The following SPAST variants were observed in gnomAD, a reference collection of about 807,000 sequenced individuals.
SPAST encodes spastic paraplegia 4 (autosomal dominant; spastin).
SPAST carries 30 observed loss-of-function variants against 76.6 expected under a neutral mutation model. That is an observed-to-expected ratio of 0.39 (90% CI 0.29 to 0.53). SPAST has a LOEUF of 0.53. SPAST is among the 20% of genes least tolerant of loss of function. The pLI, the probability that SPAST is intolerant of heterozygous loss-of-function variation, is 0.68. For synonymous variants in SPAST, 305 were observed against 281.0 expected (o/e 1.09, Z -0.86); for missense variants, 717 against 770.5 (o/e 0.93, Z 0.82).
intron 4 of SPAST, among the ~76,000 whole-genome samples, chr2:32,105,964 G>C (rs750415553): frequency 2.0e-5 from 3 of 152,202 alleles, no homozygotes; most frequent in Non-Finnish European, 4.4e-5. Flanking sequence ...TCCATGCTGG[G>C]AGAACTACTA....
At chr2:32,099,859 TA>T (rs1678054101) in intron 4 of SPAST, among the ~76,000 whole-genome samples, 1 of 152,178 alleles carries the variant, frequency 6.6e-6, no homozygotes, top group Non-Finnish European at 1.5e-5. Context: ...ATTAACTTTT[TA>T]AAAATAATAT....
chr2:32,142,308 TAA>T (rs1573165710), intron 13 of SPAST, among the ~76,000 whole-genome samples: 1 of 152,238 alleles, frequency 6.6e-6, no homozygotes, highest in South Asian at 2.1e-4. Flanking sequence ...CTTCATATAT[TAA>T]GTTTTATGAA....
chr2:32,138,465 G>A (rs2148755484), intron 12 of SPAST, among the ~76,000 whole-genome samples: 1 of 151,942 alleles, frequency 6.6e-6, no homozygotes, highest in African/African-American at 2.4e-5. Context: ...CATGTTTGTT[G>A]TCCCCTCGTA....
chr2:32,075,988 C>T (rs1185818395), intron 1 of SPAST, among the ~76,000 whole-genome samples: 2 of 143,422 alleles, frequency 1.4e-5, no homozygotes, highest in African/African-American at 5.3e-5. Flanking sequence ...GCAACCTCTG[C>T]CTCCCAGGTT....
At chr2:32,079,641 C>T (rs1050440736) in intron 1 of SPAST, among the ~76,000 whole-genome samples, 1 of 145,140 alleles carries the variant, frequency 6.9e-6, no homozygotes, top group East Asian at 2.3e-4. Flanking sequence ...TCACTGCAGC[C>T]TCCTCTTCCT....
At chr2:32,148,580 C>T (rs939217459) in intron 16 of SPAST, among the ~76,000 whole-genome samples, 47 of 151,606 alleles carry the variant, frequency 3.1e-4, no homozygotes, top group Admixed American at 2.9e-3. Flanking sequence ...GAGGCCGAGG[C>T]GGGCGGATCA....
chr2:32,088,533 A>G (rs921775563), intron 2 of SPAST, among the ~76,000 whole-genome samples: 1 of 152,190 alleles, frequency 6.6e-6, no homozygotes, highest in South Asian at 2.1e-4. Flanking sequence ...AATTGCAGCT[A>G]CTTGGGAGGC....
chr2:32,092,733 C>T lies in SPAST; in HGVS notation c.586+3128C>T, dbSNP rs116496272. Among the ~76,000 whole-genome samples, 1,008 of 152,194 alleles carry T rather than the reference C, an allele frequency of 6.6e-3. 15 individuals are homozygous for T. The highest frequency in any genetic ancestry group is 0.023 in the African/African-American group (965 of 41,528). On this transcript the variant is annotated intron_variant, in intron 3 of 16. Transcript: ENST00000315285. ...GATGGGAAAGGTGACATCGGCTGGG[C>T]GCGGTGGCTCACACCTATAATCCCA... is the stretch of plus-strand genomic sequence containing the variant.
intron 1 of SPAST, among the ~76,000 whole-genome samples, chr2:32,081,148 G>A (rs997340873): frequency 6.6e-6 from 1 of 151,384 alleles, no homozygotes; most frequent in African/African-American, 2.4e-5. Flanking sequence ...TAGTAGAGAT[G>A]GGGTTTCACC....
intron 13 of SPAST, among the ~76,000 whole-genome samples, chr2:32,142,671 C>T (rs1679757514): frequency 6.6e-6 from 1 of 152,096 alleles, no homozygotes; most frequent in Admixed American, 6.6e-5. Flanking sequence ...GCTGGGATTA[C>T]AGGCATGAGT....
intron 4 of SPAST, among the ~76,000 whole-genome samples, chr2:32,106,170 C>T (rs921894354): frequency 6.6e-6 from 1 of 152,202 alleles, no homozygotes; most frequent in Non-Finnish European, 1.5e-5. Context: ...GCAGATGCCC[C>T]CGCCTCCAGC....
At position 32,157,414 on chromosome 2, in the gene SPAST, T is replaced by C. The variant is rs1680288458; in HGVS notation, c.*2918T>C. The C allele has an allele frequency of 6.6e-6, 1 of 152,638 alleles. No individual in the cohort carries two copies. The highest frequency in any genetic ancestry group is 1.5e-5 in the Non-Finnish European group (1 of 68,026). The allele number at this position is 152,638 out of a possible 1,614,324, so 9.5% of individuals were successfully genotyped here. ...AATTACATATACAGCCGTCTTTGTTTATAGTGTAGAATTCTTTATATTTTG... is the reference window on the plus strand; with the variant it reads ...AATTACATATACAGCCGTCTTTGTTCATAGTGTAGAATTCTTTATATTTTG... On this transcript the variant is annotated 3_prime_UTR_variant, in exon 17 of 17. Transcript: ENST00000315285.
chr2:32,150,292 A>G (rs1297080034), intron 16 of SPAST, among the ~76,000 whole-genome samples: 9 of 123,870 alleles, frequency 7.3e-5, no homozygotes, highest in African/African-American at 2.8e-4. Flanking sequence ...GAGTTTCACC[A>G]TGTTGGCCAG....
intron 4 of SPAST, among the ~76,000 whole-genome samples, chr2:32,108,841 C>G (rs1049954018): frequency 3.5e-5 from 5 of 143,470 alleles, no homozygotes; most frequent in Non-Finnish European, 7.5e-5. Flanking sequence ...TCTGGGCTCA[C>G]TGCAACCTCT....
intron 1 of SPAST, among the ~76,000 whole-genome samples, chr2:32,083,764 A>ATTTTTT (rs1677352200): frequency 8.9e-5 from 4 of 45,192 alleles, no homozygotes; most frequent in Middle Eastern, 0.011. Context: ...ATATATATAT[A>ATTTTTT]TATATATATA....
rs141901048 is a variant in SPAST at position 32,094,268 on chromosome 2, G to A, written c.587-4528G>A. Among the ~76,000 whole-genome samples the A allele has an allele frequency of 8.8e-3, 1,342 of 152,182 alleles. 23 individuals carry two copies. Among genetic ancestry groups the A allele is most frequent in the South Asian group, 0.049 (238 of 4,816 alleles). On this transcript the variant is annotated intron_variant, in intron 3 of 16. Coordinates refer to ENST00000315285, the MANE Select transcript of SPAST (RefSeq NM_014946.4). The stretch of plus-strand genomic sequence containing the variant: ...GAGTCTTGCCTTATCACCCAGGCCA[G>A]AGTGCAATGGCGTGATCTCGGCTCA...
At chr2:32,098,424 T>C (rs1366622023) in intron 3 of SPAST, among the ~76,000 whole-genome samples, 1 of 152,178 alleles carries the variant, frequency 6.6e-6, no homozygotes, top group African/African-American at 2.4e-5. Context: ...ATGGTGCCAC[T>C]GTACTTCAGC....
chr2:32,086,838 T>A (rs1452538536), intron 1 of SPAST, among the ~76,000 whole-genome samples: 1 of 152,108 alleles, frequency 6.6e-6, no homozygotes. Context: ...AACAAAAAAT[T>A]AATTTTCAAA....
rs554534037 is a variant in SPAST, at chr2:32,098,192, A to G, written c.587-604A>G. ...TTTTTTAATCTCCGTAGTGCCAGGA[A>G]CTGTGGCTCATGTCTGTAATCCCTG... On this transcript the variant is annotated intron_variant, in intron 3 of 16. Coordinates refer to ENST00000315285, the MANE Select transcript of SPAST (RefSeq NM_014946.4). Among the ~76,000 whole-genome samples, 427 of 152,190 alleles carry G rather than the reference A, an allele frequency of 2.8e-3. 5 individuals are homozygous for G. Among genetic ancestry groups the G allele is most frequent in the Non-Finnish European group, 4.0e-3 (273 of 68,002 alleles).
Sources: allele counts gnomAD v4.1 joint callset (sites outside exome capture counted in the v4.1 genomes callset), GRCh38; gene constraint gnomAD v4.1.1; transcripts MANE v1.5; gene names NCBI Gene and HGNC (gene_info 2026-07-23, HGNC 2026-07-21).